UGT3A1: variants seen among roughly 807,000 people sequenced by gnomAD.
The protein encoded by UGT3A1 is UDP-glycosyltransferase 3A1.
In UGT3A1, 40 loss-of-function variants were observed where a neutral mutation model predicts 37.6. The observed-to-expected ratio is 1.06, with a 90% CI of 0.83 to 1.38. UGT3A1 has a LOEUF of 1.38. UGT3A1 is among the 40% of genes most tolerant of loss of function. The pLI, the probability that UGT3A1 is intolerant of heterozygous loss-of-function variation, is 0.00. For synonymous variants in UGT3A1, 256 were observed against 232.3 expected (o/e 1.10, Z -0.93); for missense variants, 642 against 634.2 (o/e 1.01, Z -0.13).
At chr5:35,981,447 A>G (rs1028920492) in intron 2 of UGT3A1, among the ~76,000 whole-genome samples, 1 of 152,134 alleles carries the variant, frequency 6.6e-6, no homozygotes, top group Non-Finnish European at 1.5e-5. Context: ...TGGGAACTGA[A>G]AAAAGGTCAC....
At chr5:35,993,292 C>T (rs747072945), upstream of UGT3A1, among the ~76,000 whole-genome samples, 2 of 152,040 alleles carry the variant, frequency 1.3e-5, no homozygotes, top group African/African-American at 2.4e-5. Context: ...GGTGAAATCC[C>T]GTCTCTCCTA....
intron 5 of UGT3A1, among the ~76,000 whole-genome samples, chr5:35,956,532 C>T (rs1392398163): frequency 6.6e-6 from 1 of 152,190 alleles, no homozygotes; most frequent in Non-Finnish European, 1.5e-5. Flanking sequence ...CTGATCCAGT[C>T]ACTGAGGATG....
chr5:35,994,669 T>C (rs1295804891), upstream of UGT3A1, among the ~76,000 whole-genome samples: 1 of 152,080 alleles, frequency 6.6e-6, no homozygotes, highest in Non-Finnish European at 1.5e-5. Flanking sequence ...ATATGCCAGG[T>C]AGCCGCAACA....
At chr5:35,960,374 T>G (rs1739528224) in intron 4 of UGT3A1, among the ~76,000 whole-genome samples, 1 of 152,126 alleles carries the variant, frequency 6.6e-6, no homozygotes, top group African/African-American at 2.4e-5. Flanking sequence ...GGAAATAGAC[T>G]TTTGCATTAT....
chr5:35,965,309 C>T (rs1457848056), intron 4 of UGT3A1, 77 bp downstream of exon 4: 11 of 1,540,134 alleles, frequency 7.1e-6, no homozygotes, highest in African/African-American at 2.8e-5. Flanking sequence ...CAGGATCCCA[C>T]TGGCAGGTGG....
At position 35,952,021 on chromosome 5, in the gene UGT3A1, A is replaced by T. The variant is rs1739208952; in HGVS notation, c.*2181T>A. The T allele has an allele frequency of 6.6e-6, 1 of 152,210 alleles. No individual in the cohort carries two copies. Among genetic ancestry groups the T allele is most frequent in the South Asian group, 2.1e-4 (1 of 4,836 alleles). 9.4% of individuals were successfully genotyped at this position (152,210 alleles called of 1,614,324 possible). A position where few individuals can be genotyped will look rare whatever the true frequency, so the allele number is the denominator to read the frequency against. ...TATGGTTTCTAAATAGGAAACAGAT[A>T]TTGTAATAAATAATTGCGATATAGT... On this transcript the variant is annotated 3_prime_UTR_variant, in exon 7 of 7. Transcript: ENST00000274278.
intron 1 of UGT3A1, among the ~76,000 whole-genome samples, chr5:35,989,180 T>G (rs1740841837): frequency 6.6e-6 from 1 of 152,218 alleles, no homozygotes; most frequent in African/African-American, 2.4e-5. Flanking sequence ...AACTTATAAT[T>G]AAGATATTTG....
rs561554278 is a variant in UGT3A1 at position 35,951,405 on chromosome 5, A to AT, written c.*2796dup. The AT allele has an allele frequency of 1.2e-4, 19 of 152,120 alleles. 2 individuals are homozygous for AT. Among genetic ancestry groups the AT allele is most frequent in the South Asian group, 8.3e-4 (4 of 4,826 alleles). 9.4% of individuals were successfully genotyped at this position (152,120 alleles called of 1,614,324 possible). A position where few individuals can be genotyped will look rare whatever the true frequency, so the allele number is the denominator to read the frequency against. On this transcript the variant is annotated 3_prime_UTR_variant, in exon 7 of 7. Transcript: ENST00000274278. ...CCATACACATACTTTCCTTTTTCTT[A>AT]TAAAAAAAAGGATACATCCTATAGT...
chr5:35,980,157 T>G (rs1580950501), intron 2 of UGT3A1, among the ~76,000 whole-genome samples: 1 of 83,638 alleles, frequency 1.2e-5, no homozygotes, highest in Admixed American at 1.2e-4. Flanking sequence ...ATATTACTTC[T>G]GTAAAATGCT....
At chr5:35,962,548 T>G (rs2149956543) in intron 4 of UGT3A1, 2 of 202,678 alleles carry the variant, frequency 9.9e-6, no homozygotes, top group South Asian at 2.4e-4. Flanking sequence ...GAATTGCCCT[T>G]TGCAGCCTCT....
intron 2 of UGT3A1, among the ~76,000 whole-genome samples, chr5:35,973,224 T>C (rs1740122841): frequency 6.6e-6 from 1 of 152,222 alleles, no homozygotes; most frequent in Non-Finnish European, 1.5e-5. Flanking sequence ...GATACTGTTT[T>C]AGCATCCCTC....
rs1269302846 is a variant in UGT3A1 at position 35,976,917 on chromosome 5, GAAAGAAAAAGAAAGA to G, written c.197-8799_197-8785del. Reference sequence around the variant, plus strand: ...GGAAGGAAGGAAGGAAGGAGAGAGAGAAAGAAAAAGAAAGAAGAAAGAAAAAGAGAGAGAAAGAAA... The same window carrying G: ...GGAAGGAAGGAAGGAAGGAGAGAGAGAGAAAGAAAAAGAGAGAGAAAGAAA... On this transcript the variant is annotated intron_variant, in intron 2 of 6. Coordinates refer to ENST00000274278, the MANE Select transcript of UGT3A1 (RefSeq NM_152404.4). Among the ~76,000 whole-genome samples, 643 of 142,740 alleles carry G rather than the reference GAAAGAAAAAGAAAGA, an allele frequency of 4.5e-3. 6 individuals are homozygous for G. The highest frequency in any genetic ancestry group is 5.3e-3 in the Non-Finnish European group (350 of 65,838). 93.6% of individuals were successfully genotyped at this position (142,740 alleles called of 152,430 possible).
At chr5:35,967,590 A>G (rs997039432) in intron 3 of UGT3A1, among the ~76,000 whole-genome samples, 3 of 152,238 alleles carry the variant, frequency 2.0e-5, no homozygotes, top group African/African-American at 4.8e-5. Context: ...AGGAGGGAAA[A>G]TAAGTGAGAA....
At chr5:35,985,498 A>G (rs1740694981) in intron 2 of UGT3A1, among the ~76,000 whole-genome samples, 1 of 152,210 alleles carries the variant, frequency 6.6e-6, no homozygotes, top group African/African-American at 2.4e-5. Context: ...CGGTACTGGC[A>G]TGAAAACAGA....
intron 6 of UGT3A1, chr5:35,955,441 G>A (rs893526817): frequency 4.7e-6 from 3 of 633,844 alleles, no homozygotes; most frequent in African/African-American, 3.7e-5. Context: ...CAGCCTTAAG[G>A]TAGGAAAGTA....
chr5:35,957,436 A>G lies in UGT3A1; in HGVS notation c.844-17T>C. 6.2e-7 allele frequency: 1 copy of G among 1,609,540 alleles called. No homozygotes were observed. The highest frequency in any genetic ancestry group is 2.2e-5 in the East Asian group (1 of 44,804). ...GTCCAAGTCCTAGAGAGAGATGACAAAAGAAAGGAGGTGGCAAAATTGAGA... is the reference window on the plus strand; with the variant it reads ...GTCCAAGTCCTAGAGAGAGATGACAGAAGAAAGGAGGTGGCAAAATTGAGA... On this transcript the variant is annotated splice_polypyrimidine_tract_variant and intron_variant, in intron 4 of 6. Transcript: ENST00000274278.
At chr5:35,972,256 T>A (rs1298862103) in intron 2 of UGT3A1, among the ~76,000 whole-genome samples, 1 of 152,128 alleles carries the variant, frequency 6.6e-6, no homozygotes, top group African/African-American at 2.4e-5. Context: ...TTATCTGCAA[T>A]CAGTTGACTT....
At chr5:35,999,303 T>C (rs969718520) in intron 1 of UGT3A1, among the ~76,000 whole-genome samples, 5 of 151,694 alleles carry the variant, frequency 3.3e-5, no homozygotes, top group Non-Finnish European at 2.9e-5. Context: ...ACCAAAACGT[T>C]TGGCAATTAT....
At chr5:35,968,975 A>G (rs1395720047) in intron 2 of UGT3A1, among the ~76,000 whole-genome samples, 1 of 152,158 alleles carries the variant, frequency 6.6e-6, no homozygotes, top group Non-Finnish European at 1.5e-5. Context: ...AGCTATCTGT[A>G]TGTCTCAGAT....
Sources: gnomAD v4.1 joint callset for allele counts (sites outside exome capture counted in the v4.1 genomes callset) on GRCh38, gnomAD v4.1.1 for gene constraint, MANE v1.5 for transcripts, NCBI Gene and HGNC (gene_info 2026-07-23, HGNC 2026-07-21) for gene names.